Variants in SIPA1L2 observed in about 807,000 individuals in gnomAD.
The protein encoded by SIPA1L2 is signal induced proliferation associated 1 like 2.
Under a neutral mutation model 163.9 loss-of-function variants are expected in SIPA1L2, and 56 were observed. The observed-to-expected ratio is 0.34, with a 90% CI of 0.28 to 0.43. The LOEUF (loss-of-function observed/expected upper bound fraction) is 0.43. SIPA1L2 is among the 20% of genes least tolerant of loss of function. SIPA1L2 has a pLI of 1.00. For synonymous variants in SIPA1L2, 877 were observed against 865.7 expected (o/e 1.01, Z -0.23); for missense variants, 1,974 against 2,193.5 (o/e 0.90, Z 2.00).
At chr1:232,513,766 G>T in intron 3 of SIPA1L2, 91 bp downstream of exon 3, 1 of 1,353,634 alleles carries the variant, frequency 7.4e-7, no homozygotes, top group Non-Finnish European at 1.0e-6. Flanking sequence ...GACACTCTGA[G>T]GAAGGTGCTC....
intron 15 of SIPA1L2, among the ~76,000 whole-genome samples, chr1:232,436,788 G>A (rs1662590554): frequency 6.6e-6 from 1 of 152,206 alleles, no homozygotes; most frequent in Non-Finnish European, 1.5e-5. Context: ...CTCCTGTGCA[G>A]CTCGGGGGGC....
chr1:232,546,318 C>T (rs1658028429), intron 2 of SIPA1L2, among the ~76,000 whole-genome samples: 1 of 152,154 alleles, frequency 6.6e-6, no homozygotes, highest in Non-Finnish European at 1.5e-5. Flanking sequence ...CCTAAAAGGC[C>T]ACCATGACGC....
rs1170472489 is a variant in SIPA1L2 at position 232,572,752 on chromosome 1, T to TAC, written c.-270+1421_-270+1422insGT. Among the ~76,000 whole-genome samples, 62 of 113,354 alleles carry TAC rather than the reference T, an allele frequency of 5.5e-4. 2 individuals are homozygous for TAC. The highest frequency in any genetic ancestry group is 1.3e-3 in the Admixed American group (13 of 10,342). 74.4% of individuals were successfully genotyped at this position (113,354 alleles called of 152,430 possible). A position where few individuals can be genotyped will look rare whatever the true frequency, so the allele number is the denominator to read the frequency against. On this transcript the variant is annotated intron_variant, in intron 2 of 22. Coordinates refer to ENST00000674635, the MANE Select transcript of SIPA1L2 (RefSeq NM_020808.5). Reference sequence around the variant, plus strand: ...ATACATACATACATATATATATATATATATATATATATATATATATATATA... The same window carrying TAC: ...ATACATACATACATATATATATATATACATATATATATATATATATATATATA...
intron 3 of SIPA1L2, among the ~76,000 whole-genome samples, chr1:232,500,659 T>C (rs1054026810): frequency 4.6e-5 from 7 of 152,234 alleles, no homozygotes; most frequent in African/African-American, 1.2e-4. Flanking sequence ...TTGCTTTTTA[T>C]GGATGAGCAA....
At chr1:232,454,077 A>G (rs1663747366) in intron 10 of SIPA1L2, among the ~76,000 whole-genome samples, 1 of 152,216 alleles carries the variant, frequency 6.6e-6, no homozygotes, top group African/African-American at 2.4e-5. Context: ...AAAAAAATCA[A>G]AGGCTTCCAA....
chr1:232,622,194 A>G (rs1662844698), intron 1 of SIPA1L2, among the ~76,000 whole-genome samples: 1 of 152,256 alleles, frequency 6.6e-6, no homozygotes, highest in Non-Finnish European at 1.5e-5. Context: ...AATAGGAGTT[A>G]GAATGACATC....
intron 19 of SIPA1L2, among the ~76,000 whole-genome samples, chr1:232,407,581 T>C (rs78485865): frequency 0.017 from 2,547 of 152,300 alleles, 59 homozygotes; most frequent in African/African-American, 0.054. Context: ...GGAATGTGAA[T>C]TGTTAACTCT....
At chr1:232,548,631 C>G (rs1658190823) in intron 2 of SIPA1L2, among the ~76,000 whole-genome samples, 1 of 152,138 alleles carries the variant, frequency 6.6e-6, no homozygotes, top group African/African-American at 2.4e-5. Flanking sequence ...ACGCCCCTAC[C>G]TGAAGGCAGA....
chr1:232,530,248 G>T (rs1197730468), intron 2 of SIPA1L2, among the ~76,000 whole-genome samples: 1 of 151,972 alleles, frequency 6.6e-6, no homozygotes, highest in African/African-American at 2.4e-5. Context: ...CAAGCAGCTG[G>T]GACCACAGGC....
intron 3 of SIPA1L2, among the ~76,000 whole-genome samples, chr1:232,505,125 C>A (rs1028994254): frequency 3.3e-5 from 5 of 152,188 alleles, no homozygotes; most frequent in Non-Finnish European, 7.3e-5. Context: ...TTAAAGGCTT[C>A]TTTTCATAAC....
At chr1:232,414,576 G>C (rs1443991654) in intron 19 of SIPA1L2, among the ~76,000 whole-genome samples, 3 of 152,028 alleles carry the variant, frequency 2.0e-5, no homozygotes, top group Non-Finnish European at 4.4e-5. Flanking sequence ...GGCAGCAGTG[G>C]ACTCGGGCGC....
intron 2 of SIPA1L2, among the ~76,000 whole-genome samples, chr1:232,537,651 C>A (rs1038772977): frequency 6.6e-6 from 1 of 152,164 alleles, no homozygotes; most frequent in East Asian, 1.9e-4. Context: ...TGGAGTCAGA[C>A]GCCAAGGTCA....
At chr1:232,506,186 T>C (rs1445874444) in intron 3 of SIPA1L2, among the ~76,000 whole-genome samples, 1 of 152,182 alleles carries the variant, frequency 6.6e-6, no homozygotes, top group African/African-American at 2.4e-5. Context: ...AGTATTGCCC[T>C]CTAAAGCCTG....
chr1:232,477,028 G>A (rs763541324), intron 7 of SIPA1L2, among the ~76,000 whole-genome samples: 5 of 152,186 alleles, frequency 3.3e-5, no homozygotes, highest in Non-Finnish European at 7.3e-5. Context: ...CATGGATGGT[G>A]AGGGTGAGAG....
chr1:232,536,775 TA>T (rs886300455), intron 2 of SIPA1L2, among the ~76,000 whole-genome samples: 3 of 151,106 alleles, frequency 2.0e-5, no homozygotes, highest in African/African-American at 4.9e-5. Context: ...TTCTTCTGCC[TA>T]AAAAAAAATA....
At chr1:232,405,813 G>T (rs1486105623) in intron 19 of SIPA1L2, among the ~76,000 whole-genome samples, 3 of 152,116 alleles carry the variant, frequency 2.0e-5, no homozygotes, top group Non-Finnish European at 4.4e-5. Context: ...ATGTATTTGG[G>T]TCTGGTGGTC....
At chr1:232,576,759 A>C (rs1372326744) in intron 1 of SIPA1L2, among the ~76,000 whole-genome samples, 1 of 152,248 alleles carries the variant, frequency 6.6e-6, no homozygotes, top group Admixed American at 6.5e-5. Flanking sequence ...GTGAACACAC[A>C]AATGATAAGA....
chr1:232,560,161 AAC>A (rs1658951602), intron 2 of SIPA1L2, among the ~76,000 whole-genome samples: 1 of 152,198 alleles, frequency 6.6e-6, no homozygotes, highest in Non-Finnish European at 1.5e-5. Context: ...TGTTTTTAAA[AAC>A]AGTTTTCCCT....
At chr1:232,572,775 ATATATT>A (rs200844259) in intron 2 of SIPA1L2, among the ~76,000 whole-genome samples, 30,102 of 109,302 alleles carry the variant, frequency 0.28, 4,703 homozygotes, top group East Asian at 0.54. Context: ...ATATATATAT[ATATATT>A]TATTTATTTA....
Sources: allele counts gnomAD v4.1 joint callset (sites outside exome capture counted in the v4.1 genomes callset), GRCh38; gene constraint gnomAD v4.1.1; transcripts MANE v1.5; gene names NCBI Gene and HGNC (gene_info 2026-07-23, HGNC 2026-07-21).